The following FRY variants were observed in gnomAD, a reference collection of about 807,000 sequenced individuals.
The protein encoded by FRY is protein furry homolog.
In FRY, 128 loss-of-function variants were observed where a neutral mutation model predicts 348.4. The observed-to-expected ratio is 0.37, with a 90% CI of 0.32 to 0.43. The LOEUF is 0.43. Among genes scored for constraint, FRY ranks in the 20% least tolerant of loss-of-function variants. The pLI is 1.00. For missense variants in FRY, 2,736 were observed against 3,695.2 expected (o/e 0.74, Z 6.73); for synonymous variants, 1,370 against 1,374.7 (o/e 1.00, Z 0.08).
chr13:32,105,685 G>A (rs1877491196), intron 3 of FRY, among the ~76,000 whole-genome samples: 1 of 152,168 alleles, frequency 6.6e-6, no homozygotes, highest in Non-Finnish European at 1.5e-5. Context: ...AGGAGTAGTT[G>A]TAATAGTAGA....
At chr13:32,227,972 G>C (rs994474816) in intron 39 of FRY, among the ~76,000 whole-genome samples, 4 of 152,042 alleles carry the variant, frequency 2.6e-5, no homozygotes, top group Non-Finnish European at 4.4e-5. Flanking sequence ...GGATGGTCTC[G>C]ATCTCCTGAC....
rs1885552287 is a variant in FRY at position 32,225,888 on chromosome 13, C to T, written c.5120C>T (p.Ala1707Val). ...TGCAACAGCAATTTCCATTCCATTG[C>T]TTCCGTGCTCCTGCAGACCCGAGAG... ...LSCNSNFHSI[A>V]SVLLQTREMG... is the part of the protein sequence containing the mutation. Residue 1707 changes from alanine to valine, a missense_variant, in exon 39 of 61, where the codon GCT becomes GTT. Transcript: ENST00000542859. 2 of 1,614,152 alleles carry T rather than the reference C, an allele frequency of 1.2e-6. No homozygotes were observed. The highest frequency in any genetic ancestry group is 1.7e-6 in the Non-Finnish European group (2 of 1,179,984).
chr13:32,273,491 G>C (rs946664701), intron 55 of FRY, among the ~76,000 whole-genome samples: 2 of 151,988 alleles, frequency 1.3e-5, no homozygotes, highest in Non-Finnish European at 2.9e-5. Flanking sequence ...CAAAGTGCTG[G>C]GATTACAGGC....
Position 32,239,345 on chromosome 13 carries a change from C to T in FRY, c.6512C>T (p.Ala2171Val), listed in dbSNP as rs1886384284. The change falls in exon 45 of 61, where the codon GCT (alanine) becomes GTT (valine). Residue 2171 changes from alanine to valine, a missense_variant. Physicochemically the swap from Ala to Val is moderately conservative, Grantham distance 64. Transcript: ENST00000542859. This position sits in a 1 kb window ranked among gnomAD's most constrained non-coding sequence, Gnocchi z 4.3. The stretch of plus-strand genomic sequence containing the variant: ...TGTAAGGATATAGCCGAAAGGATTG[C>T]TCAGGTATGAGTTACAGTTCCACAC... ...QFCKDIAERIAQVCLEEKNPK... is the reference protein window; with the variant it reads ...QFCKDIAERIVQVCLEEKNPK... The T allele has an allele frequency of 1.3e-6, 2 of 1,585,520 alleles. No individual in the cohort carries two copies. Among genetic ancestry groups the T allele is most frequent in the Admixed American group, 1.7e-5 (1 of 59,968 alleles).
Position 32,239,067 on chromosome 13 carries a change from T to C in FRY, c.6419-185T>C, listed in dbSNP as rs1886370649. Among the ~76,000 whole-genome samples the C allele has an allele frequency of 6.6e-6, 1 of 152,238 alleles. No individual in the cohort carries two copies. The highest frequency in any genetic ancestry group is 1.5e-5 in the Non-Finnish European group (1 of 68,044). On this transcript the variant is annotated intron_variant, in intron 44 of 60. Coordinates refer to ENST00000542859, the MANE Select transcript of FRY (RefSeq NM_023037.3). The surrounding 1 kb of genome is among the most constrained non-coding windows in gnomAD (Gnocchi z 4.3). ...AAAATCGCAGATCTACTTTACTGTC[T>C]TCTTTGTAACTGGTGCAATTGTGGT...
chr13:32,146,324 GTTTGTTTTTGTT>G (rs1385761092), intron 11 of FRY, among the ~76,000 whole-genome samples: 1 of 151,960 alleles, frequency 6.6e-6, no homozygotes, highest in Non-Finnish European at 1.5e-5. Flanking sequence ...TGTTGTTGTT[GTTTGTTTTTGTT>G]TTTGTTTCTG....
At chr13:32,235,660 G>A (rs1886189959) in intron 42 of FRY, among the ~76,000 whole-genome samples, 1 of 152,160 alleles carries the variant, frequency 6.6e-6, no homozygotes, top group South Asian at 2.1e-4. Context: ...GAGGAAGCCT[G>A]CACACCTACA....
At chr13:32,273,863 G>C (rs946977015) in intron 55 of FRY, among the ~76,000 whole-genome samples, 4 of 152,160 alleles carry the variant, frequency 2.6e-5, no homozygotes, top group Non-Finnish European at 5.9e-5. Flanking sequence ...AACAAAAACA[G>C]TGTTGGTCAA....
intron 36 of FRY, among the ~76,000 whole-genome samples, chr13:32,222,731 A>G (rs1885379882): frequency 6.6e-6 from 1 of 152,230 alleles, no homozygotes; most frequent in East Asian, 1.9e-4. Context: ...TTTCTTCTCT[A>G]CAAAATGGGG....
intron 3 of FRY, among the ~76,000 whole-genome samples, chr13:32,104,309 G>A (rs755337993): frequency 9.2e-5 from 14 of 152,186 alleles, no homozygotes; most frequent in Admixed American, 2.0e-4. Flanking sequence ...TTAACTTTGC[G>A]TCTCCAAGTG....
intron 23 of FRY, among the ~76,000 whole-genome samples, chr13:32,181,808 A>G (rs951405428): frequency 6.6e-6 from 1 of 152,154 alleles, no homozygotes; most frequent in Non-Finnish European, 1.5e-5. Context: ...AAATAAAAAT[A>G]TATAAGTGTA....
intron 35 of FRY, among the ~76,000 whole-genome samples, chr13:32,217,526 C>T (rs191370821): frequency 2.0e-5 from 3 of 152,272 alleles, no homozygotes; most frequent in Admixed American, 2.0e-4. Flanking sequence ...AAATAAAAGA[C>T]AGAGTATTAT....
At chr13:32,035,924 A>G (rs1398781442) in intron 1 of FRY, among the ~76,000 whole-genome samples, 1 of 152,142 alleles carries the variant, frequency 6.6e-6, no homozygotes, top group Non-Finnish European at 1.5e-5. Context: ...TTTTTCAGGT[A>G]TGTTGTAGTG....
At chr13:32,094,180 C>T (rs1026748191) in intron 2 of FRY, among the ~76,000 whole-genome samples, 2 of 152,020 alleles carry the variant, frequency 1.3e-5, no homozygotes, top group African/African-American at 4.8e-5. Flanking sequence ...CAAGCAGAAG[C>T]ATACCTTTAC....
chr13:32,136,553 G>A (rs1372973369), intron 10 of FRY, among the ~76,000 whole-genome samples: 1 of 152,198 alleles, frequency 6.6e-6, no homozygotes, highest in African/African-American at 2.4e-5. Flanking sequence ...ATCTAAGATG[G>A]TAAGTTTGTT....
At chr13:32,149,692 T>G in intron 13 of FRY, 56 bp from the exon 14 acceptor site, 2 of 1,057,206 alleles carry the variant, frequency 1.9e-6, no homozygotes, top group Non-Finnish European at 2.9e-6. Flanking sequence ...AAATAGCCAT[T>G]TTCTGTTGAG....
At chr13:32,211,067 C>T in intron 34 of FRY, 33 bp downstream of exon 34, 1 of 1,599,614 alleles carries the variant, frequency 6.3e-7, no homozygotes, top group Non-Finnish European at 8.6e-7. Flanking sequence ...CACCTGGTCA[C>T]AGATCCCTGG....
chr13:32,287,923 C>T, intron 58 of FRY: 3 of 1,148,028 alleles, frequency 2.6e-6, no homozygotes, highest in Non-Finnish European at 2.4e-6. Flanking sequence ...TCCATTTAGG[C>T]ATGGACCCAT....
intron 54 of FRY, 99 bp from the exon 55 acceptor site, chr13:32,267,071 C>A: frequency 9.5e-7 from 1 of 1,051,716 alleles, no homozygotes; most frequent in Non-Finnish European, 1.5e-6. Flanking sequence ...GGTAGAATAG[C>A]TACCTCATTT....
Sources: gnomAD v4.1 joint callset for allele counts (sites outside exome capture counted in the v4.1 genomes callset) on GRCh38, gnomAD v4.1.1 for gene constraint, Gnocchi (gnomAD v3.1) non-coding constraint, MANE v1.5 for transcripts, NCBI Gene and HGNC (gene_info 2026-07-23, HGNC 2026-07-21) for gene names.